Variants in AHNAK observed in about 807,000 individuals in gnomAD.
AHNAK encodes AHNAK nucleoprotein.
In AHNAK, 23 loss-of-function variants were observed where a neutral mutation model predicts 37.8. That is an observed-to-expected ratio of 0.61 (90% CI 0.44 to 0.86). The LOEUF (loss-of-function observed/expected upper bound fraction) is 0.86. Among genes scored for constraint, AHNAK ranks in the 40% least tolerant of loss-of-function variants. The pLI is 0.00. For missense variants in AHNAK, 7,411 were observed against 7,319.4 expected, an observed-to-expected ratio of 1.01 and a Z score of -0.46; for synonymous variants, 2,481 against 2,636.3, an observed-to-expected ratio of 0.94 and a Z score of 1.80.
intron 5 of AHNAK, among the ~76,000 whole-genome samples, chr11:62,477,016 A>G (rs907490102): frequency 6.6e-6 from 1 of 152,174 alleles, no homozygotes; most frequent in African/African-American, 2.4e-5. Context: ...ATGTCACACA[A>G]CACTTCAAAA....
chr11:62,505,486 C>T (rs1025625496), intron 4 of AHNAK, among the ~76,000 whole-genome samples: 1 of 151,978 alleles, frequency 6.6e-6, no homozygotes, highest in Non-Finnish European at 1.5e-5. Context: ...GACCTTGCCT[C>T]GCTATTGAAA....
At chr11:62,537,204 C>A (rs1391532209) in intron 1 of AHNAK, 1 of 152,210 alleles carries the variant, frequency 6.6e-6, no homozygotes, top group African/African-American at 2.4e-5. Context: ...GCATGATCCG[C>A]CCGCCTCGGC....
chr11:62,463,649 TCCTGGTTTG>T (rs1339735638), intron 5 of AHNAK, among the ~76,000 whole-genome samples: 1 of 152,186 alleles, frequency 6.6e-6, no homozygotes, highest in Non-Finnish European at 1.5e-5. Context: ...TGACCGACTG[TCCTGGTTTG>T]CCTGGAACTG....
rs373070237 is a variant in AHNAK, at chr11:62,521,372, C to T, written c.13045G>A (p.Gly4349Ser). ...TLPKADIEIS[G>S]PKVDIDAPDV... Reference sequence around the variant, plus strand: ...GGGGCATCAATGTCCACTTTGGGGCCAGAAATCTCAATGTCAGCCTTAGGA... The same window carrying T: ...GGGGCATCAATGTCCACTTTGGGGCTAGAAATCTCAATGTCAGCCTTAGGA... The change falls in exon 5 of 5, where the codon GGC becomes AGC. Residue 4349 changes from glycine (G) to serine (S), a missense_variant. Coordinates refer to ENST00000378024, the MANE Select transcript of AHNAK (RefSeq NM_001620.3). 1.9e-5 allele frequency: 30 copies of T among 1,613,730 alleles called. No individual in the cohort carries two copies. The Admixed American group carries it at 2.0e-4, about 11-fold the overall frequency.
At chr11:62,433,783 C>T (rs1265366350) in exon 6 of AHNAK, 5 of 1,538,840 alleles carry the variant, frequency 3.2e-6, no homozygotes, top group Admixed American at 1.7e-5. Flanking sequence ...TGTTTGTTGC[C>T]CTTGGCACAG....
chr11:62,533,143 G>A lies in AHNAK; in HGVS notation c.1274C>T (p.Pro425Leu). ...CTTGGGCACATTCAGTTTGCTCCCA[G>A]GCCCCTGAACATCAATGTCAGGGGC... ...VQAPDIDVQGPGSKLNVPKMK... is the reference protein window; with the variant it reads ...VQAPDIDVQGLGSKLNVPKMK... The change falls in exon 5 of 5, where the codon CCT (proline) becomes CTT (leucine). Residue 425 changes from proline (P) to leucine (L), a missense_variant. By Grantham distance (98) the Pro-to-Leu change is moderately conservative. Transcript: ENST00000378024. 1 of 1,552,146 alleles carries A rather than the reference G, an allele frequency of 6.4e-7. No individual in the cohort carries two copies. Among genetic ancestry groups the A allele is most frequent in the Middle Eastern group, 1.7e-4 (1 of 5,748 alleles).
At chr11:62,481,760 G>A (rs1416949859) in intron 5 of AHNAK, among the ~76,000 whole-genome samples, 1 of 151,364 alleles carries the variant, frequency 6.6e-6, no homozygotes, top group African/African-American at 2.4e-5. Context: ...TGTATTTTTA[G>A]TAGAGACGGG....
chr11:62,441,967 G>A (rs558498115), intron 5 of AHNAK, among the ~76,000 whole-genome samples: 11 of 152,220 alleles, frequency 7.2e-5, no homozygotes, highest in African/African-American at 2.6e-4. Context: ...CATCTTTGGT[G>A]GGGTCACAAG....
In AHNAK at chr11:62,517,585, G is replaced by C. The variant is rs1455056447; in HGVS notation, c.16832C>G (p.Ser5611Cys). Residue 5611 changes from serine (S) to cysteine (C), a missense_variant, in exon 5 of 5, where the codon TCT becomes TGT. Transcript: ENST00000378024. The part of the protein sequence containing the change: ...QVSSALNLDT[S>C]KFAGGLHFSG... ...GAAATGAAGGCCCCCAGCAAACTTA[G>C]ATGTGTCCAAGTTGAGAGCAGAGGA... 1.2e-6 allele frequency: 2 copies of C among 1,614,034 alleles called. No individual in the cohort carries two copies. Among genetic ancestry groups the C allele is most frequent in the African/African-American group, 1.3e-5 (1 of 74,904 alleles).
At chr11:62,488,103 G>A (rs1184881558) in intron 5 of AHNAK, among the ~76,000 whole-genome samples, 1 of 152,180 alleles carries the variant, frequency 6.6e-6, no homozygotes, top group Non-Finnish European at 1.5e-5. Flanking sequence ...GTGACTGGCT[G>A]CTTTAATTCT....
rs1294598168 is a variant in AHNAK, at chr11:62,530,912, C to T, written c.3505G>A (p.Val1169Met). The T allele has an allele frequency of 3.1e-6, 5 of 1,613,736 alleles. No homozygotes were observed. The highest frequency in any genetic ancestry group is 4.2e-6 in the Non-Finnish European group (5 of 1,179,948). The stretch of plus-strand genomic sequence containing the variant: ...TTCCCTTCTGGACCTTCGAGGCTCA[C>T]ATCTGGGGCTTCGATGTCCACCTTG... The part of the protein sequence containing the change: ...GPKVDIEAPD[V>M]SLEGPEGKLK... Residue 1169 changes from valine (V) to methionine (M), a missense_variant, in exon 5 of 5, where the codon GTG becomes ATG. By Grantham distance (21) the Val-to-Met change is conservative. Coordinates refer to ENST00000378024, the MANE Select transcript of AHNAK (RefSeq NM_001620.3).
intron 4 of AHNAK, among the ~76,000 whole-genome samples, chr11:62,498,940 G>A (rs1939663160): frequency 6.6e-6 from 1 of 152,108 alleles, no homozygotes; most frequent in Non-Finnish European, 1.5e-5. Context: ...AATATTTATT[G>A]AGCATCTACT....
At chr11:62,478,562 C>T (rs956121932) in intron 5 of AHNAK, among the ~76,000 whole-genome samples, 4 of 151,830 alleles carry the variant, frequency 2.6e-5, no homozygotes, top group African/African-American at 7.3e-5. Context: ...CTAGGCAACA[C>T]GGCAAGACCT....
chr11:62,490,007 G>A (rs1013106368), intron 5 of AHNAK, among the ~76,000 whole-genome samples: 5 of 151,932 alleles, frequency 3.3e-5, no homozygotes, highest in Non-Finnish European at 7.4e-5. Context: ...CAATGAAGTG[G>A]AATCAGCAAG....
At chr11:62,440,711 G>C (rs1006018902) in intron 5 of AHNAK, among the ~76,000 whole-genome samples, 1 of 152,174 alleles carries the variant, frequency 6.6e-6, no homozygotes, top group African/African-American at 2.4e-5. Context: ...TCTGCAGAGA[G>C]CCAGAGGGAG....
intron 5 of AHNAK, among the ~76,000 whole-genome samples, chr11:62,452,724 G>T (rs552593937): frequency 3.9e-4 from 60 of 152,216 alleles, no homozygotes; most frequent in African/African-American, 1.4e-3. Flanking sequence ...CAGGTGAGAT[G>T]GTAAAAGGTG....
At chr11:62,499,382 C>T (rs1590632014) in intron 4 of AHNAK, among the ~76,000 whole-genome samples, 1 of 152,098 alleles carries the variant, frequency 6.6e-6, no homozygotes, top group Admixed American at 6.5e-5. Context: ...AACCCAGTCT[C>T]TACTAAAAAT....
chr11:62,486,686 T>C (rs988381165), intron 5 of AHNAK, among the ~76,000 whole-genome samples: 2 of 152,118 alleles, frequency 1.3e-5, no homozygotes, highest in Non-Finnish European at 2.9e-5. Flanking sequence ...GTAGATGTAC[T>C]GTATACCACT....
rs754508241 is a variant in AHNAK, at chr11:62,526,080, G to A, written c.8337C>T (p.Phe2779=). The change falls in exon 5 of 5, where the codon TTC becomes TTT. Residue 2779 remains phenylalanine (F), a synonymous_variant. Transcript: ENST00000378024. ...IKMPKISMPG[F]KGEGPDVDVN... ...CGTCCACATCTGGACCTTCTCCTTT[G>A]AAGCCAGGCATGCTGATCTTGGGCA... The A allele has an allele frequency of 1.2e-6, 2 of 1,613,246 alleles. No homozygotes were observed. Among genetic ancestry groups the A allele is most frequent in the East Asian group, 4.5e-5 (2 of 44,830 alleles).
Sources: allele counts gnomAD v4.1 joint callset (sites outside exome capture counted in the v4.1 genomes callset), GRCh38; gene constraint gnomAD v4.1.1; transcripts MANE v1.5; gene names NCBI Gene and HGNC (gene_info 2026-07-23, HGNC 2026-07-21).